The following ZDHHC14 variants were observed in gnomAD, a reference collection of about 807,000 sequenced individuals.
ZDHHC14 encodes palmitoyltransferase ZDHHC14.
In ZDHHC14, 16 loss-of-function variants were observed where a neutral mutation model predicts 47.7. The ratio of observed to expected loss-of-function variants is 0.34; its 90% CI spans 0.23 to 0.51. The LOEUF is 0.51. Ranked by LOEUF, ZDHHC14 falls within the 20% of genes least tolerant of loss-of-function variation. ZDHHC14 has a pLI of 0.97. For synonymous variants in ZDHHC14, 293 were observed against 278.9 expected, an observed-to-expected ratio of 1.05 and a Z score of -0.50; for missense variants, 515 against 662.5, an observed-to-expected ratio of 0.78 and a Z score of 2.44.
chr6:157,489,096 T>C (rs1332753371), intron 1 of ZDHHC14, among the ~76,000 whole-genome samples: 2 of 152,244 alleles, frequency 1.3e-5, no homozygotes, highest in Non-Finnish European at 1.5e-5. Context: ...GGAATAAAGA[T>C]GTTTGCAAAT....
chr6:157,534,353 A>G (rs550062910), intron 1 of ZDHHC14, among the ~76,000 whole-genome samples: 1 of 152,170 alleles, frequency 6.6e-6, no homozygotes, highest in Non-Finnish European at 1.5e-5. Flanking sequence ...GCAGCCACAC[A>G]TGGTCTGAAA....
intron 5 of ZDHHC14, among the ~76,000 whole-genome samples, chr6:157,638,330 C>T (rs1336155097): frequency 6.6e-6 from 1 of 152,226 alleles, no homozygotes; most frequent in Non-Finnish European, 1.5e-5. Flanking sequence ...TTCCCACCTC[C>T]CATTGCCTGC....
chr6:157,647,459 G>C (rs1777617580), intron 7 of ZDHHC14, 91 bp downstream of exon 7: 1 of 902,388 alleles, frequency 1.1e-6, no homozygotes, highest in Non-Finnish European at 1.7e-6. Flanking sequence ...TGGTGGAATG[G>C]GTCGCCGCCA....
At chr6:157,669,335 G>T (rs751501452) in intron 8 of ZDHHC14, among the ~76,000 whole-genome samples, 1 of 152,000 alleles carries the variant, frequency 6.6e-6, no homozygotes, top group South Asian at 2.1e-4. Context: ...AGGGGTGGTG[G>T]GGGGGGAAGA....
chr6:157,588,290 T>A (rs1038643706), intron 2 of ZDHHC14, among the ~76,000 whole-genome samples: 13 of 151,164 alleles, frequency 8.6e-5, no homozygotes, highest in Non-Finnish European at 1.9e-4. Context: ...AATAAATAAA[T>A]AATTTAAAAA....
At chr6:157,538,493 A>G (rs1170240364) in intron 1 of ZDHHC14, among the ~76,000 whole-genome samples, 2 of 152,224 alleles carry the variant, frequency 1.3e-5, no homozygotes, top group African/African-American at 4.8e-5. Context: ...AATGGATTCT[A>G]TTCATTCAGC....
intron 3 of ZDHHC14, among the ~76,000 whole-genome samples, chr6:157,606,700 C>A (rs1364499494): frequency 6.6e-6 from 1 of 152,102 alleles, no homozygotes; most frequent in Middle Eastern, 3.2e-3. Flanking sequence ...GCTTGGGACC[C>A]CGTCACCTCC....
At chr6:157,485,184 C>G (rs894516777) in intron 1 of ZDHHC14, among the ~76,000 whole-genome samples, 2 of 152,072 alleles carry the variant, frequency 1.3e-5, no homozygotes, top group African/African-American at 2.4e-5. Flanking sequence ...AACCTGAGGC[C>G]CTGAGCCTGA....
chr6:157,507,357 C>T (rs1395708747), intron 1 of ZDHHC14, among the ~76,000 whole-genome samples: 1 of 150,558 alleles, frequency 6.6e-6, no homozygotes, highest in Non-Finnish European at 1.5e-5. Flanking sequence ...GATCTTGGCT[C>T]ACTACAACCT....
intron 1 of ZDHHC14, among the ~76,000 whole-genome samples, chr6:157,478,181 C>T (rs959235111): frequency 1.3e-5 from 2 of 151,338 alleles, no homozygotes; most frequent in African/African-American, 2.4e-5. Context: ...CAGGAATGTT[C>T]AATACATTAA....
intron 1 of ZDHHC14, among the ~76,000 whole-genome samples, chr6:157,466,418 C>A (rs1779218034): frequency 6.6e-6 from 1 of 152,196 alleles, no homozygotes; most frequent in South Asian, 2.1e-4. Flanking sequence ...CTGTGCTTGG[C>A]ACACAGGAGG....
intron 8 of ZDHHC14, among the ~76,000 whole-genome samples, chr6:157,668,327 C>T (rs559360456): frequency 1.3e-5 from 2 of 151,386 alleles, no homozygotes; most frequent in Middle Eastern, 6.8e-3. Context: ...TCAGATAAGT[C>T]AGGGTTCCAA....
intron 1 of ZDHHC14, among the ~76,000 whole-genome samples, chr6:157,451,808 C>T (rs890589810): frequency 3.3e-5 from 5 of 152,192 alleles, no homozygotes; most frequent in African/African-American, 1.2e-4. Context: ...GATCCACCCA[C>T]CTCAGCCTCC....
rs369091276 is a variant in ZDHHC14 at position 157,669,334 on chromosome 6, G to C, written c.1069-3390G>C. Among the ~76,000 whole-genome samples the C allele has an allele frequency of 2.6e-5, 4 of 151,666 alleles. No homozygotes were observed. The South Asian group carries it at 6.3e-4, about 24-fold the overall frequency. On this transcript the variant is annotated intron_variant, in intron 8 of 8. Coordinates refer to ENST00000359775, the MANE Select transcript of ZDHHC14 (RefSeq NM_024630.3). ...GAAGAATGCACAAGAGAGGGGTGGT[G>C]GGGGGGGAAGACAGAGAGTGGAGGA...
At chr6:157,617,360 C>T (rs370552774) in intron 3 of ZDHHC14, among the ~76,000 whole-genome samples, 4 of 152,258 alleles carry the variant, frequency 2.6e-5, no homozygotes, top group East Asian at 3.9e-4. Context: ...TGAAATGTCT[C>T]TGAAGTTTTC....
chr6:157,544,873 C>T (rs1469502518), intron 2 of ZDHHC14, among the ~76,000 whole-genome samples: 1 of 152,124 alleles, frequency 6.6e-6, no homozygotes, highest in Non-Finnish European at 1.5e-5. Context: ...TACTATATGA[C>T]CCAGCAACTC....
At chr6:157,580,697 T>C (rs2114872674) in intron 2 of ZDHHC14, among the ~76,000 whole-genome samples, 1 of 145,988 alleles carries the variant, frequency 6.8e-6, no homozygotes, top group East Asian at 2.0e-4. Flanking sequence ...TAGTACTGTC[T>C]GGGTTTTTTG....
intron 7 of ZDHHC14, 66 bp downstream of exon 7, chr6:157,647,434 A>G: frequency 7.6e-7 from 1 of 1,312,328 alleles, no homozygotes; most frequent in South Asian, 1.3e-5. Context: ...GGCCGTTAGC[A>G]CAGGCCGCCC....
At chr6:157,656,275 G>A (rs1778084307) in intron 8 of ZDHHC14, among the ~76,000 whole-genome samples, 1 of 152,170 alleles carries the variant, frequency 6.6e-6, no homozygotes, top group African/African-American at 2.4e-5. Flanking sequence ...TAAGAAGCCT[G>A]TCGCAGTGCA....
Sources: allele counts gnomAD v4.1 joint callset (sites outside exome capture counted in the v4.1 genomes callset), GRCh38; gene constraint gnomAD v4.1.1; transcripts MANE v1.5; gene names NCBI Gene and HGNC (gene_info 2026-07-23, HGNC 2026-07-21).